SURF1: variants seen among roughly 807,000 people sequenced by gnomAD.
SURF1 encodes surfeit locus protein 1.
Under a neutral mutation model 34.1 loss-of-function variants are expected in SURF1, and 45 were observed. That is an observed-to-expected ratio of 1.32 (90% CI 1.04 to 1.69). SURF1 has a LOEUF of 1.69. Among genes scored for constraint, SURF1 ranks in the 40% most tolerant of loss-of-function variants. SURF1 has a pLI of 0.00. For synonymous variants in SURF1, 188 were observed against 147.5 expected (o/e 1.27, Z -1.99); for missense variants, 456 against 384.6 (o/e 1.19, Z -1.55).
chr9:133,352,909 T>A, intron 5 of SURF1, 143 bp from the exon 6 acceptor site: 1 of 945,306 alleles, frequency 1.1e-6, no homozygotes, highest in Non-Finnish European at 1.6e-6. Context: ...GCCCTGGCAG[T>A]GCCACACAGG....
chr9:133,353,531 C>G (rs1035034232), intron 5 of SURF1, among the ~76,000 whole-genome samples: 2 of 152,304 alleles, frequency 1.3e-5, no homozygotes, highest in East Asian at 3.9e-4. Context: ...CTTCAGAGGT[C>G]AACATACAGA....
In SURF1 at chr9:133,353,738, G is replaced by C; in HGVS notation, c.515+11C>G. On this transcript the variant is annotated intron_variant, in intron 5 of 8. Transcript: ENST00000371974. ...CTGCCAGGACAGCCAGCTCCCACAT[G>C]TCCTACTCACCCCAGGTCGGTGCAG... 6.2e-7 allele frequency: 1 copy of C among 1,613,676 alleles called. No homozygotes were observed. Among genetic ancestry groups the C allele is most frequent in the Non-Finnish European group, 8.5e-7 (1 of 1,179,988 alleles).
Position 133,352,517 on chromosome 9 carries a change from C to T in SURF1, c.680G>A (p.Trp227Ter). Reference protein sequence around the residue: ...VPENNPERNHWHYRDLEAMAR... With the variant: ...VPENNPERNH ...CATAGCTTCCAGGTCTCGATAATGCCAGTGGTTCCTTTCTGGATTGTTCTC... is the reference window on the plus strand; with the variant it reads ...CATAGCTTCCAGGTCTCGATAATGCTAGTGGTTCCTTTCTGGATTGTTCTC... The change falls in exon 7 of 9, where the codon TGG becomes TAG. Residue 227 changes from tryptophan to a stop codon, truncating the protein, a stop_gained. Transcript: ENST00000371974. LOFTEE classifies it high-confidence loss of function. The T allele has an allele frequency of 6.2e-7, 1 of 1,614,216 alleles. No individual in the cohort carries two copies. The highest frequency in any genetic ancestry group is 8.5e-7 in the Non-Finnish European group (1 of 1,180,042).
chr9:133,352,729 TC>T lies in SURF1; in HGVS notation c.552del (p.Lys185ArgfsTer3), dbSNP rs2130009673. The T allele has an allele frequency of 1.1e-5, 18 of 1,612,936 alleles. No individual in the cohort carries two copies. The highest frequency in any genetic ancestry group is 1.5e-5 in the Non-Finnish European group (18 of 1,179,744). On this transcript the variant is annotated frameshift_variant, in exon 6 of 9. Transcript: ENST00000371974. LOFTEE classifies it high-confidence loss of function. Reference protein sequence around the residue: ...TILVNRGFVPRKKVNPETRQK... With the variant: ...TILVNRGFVPXKKVNPETRQK... ...TGCCGGGTTTCAGGATTCACTTTCTTCCTGGGAACGAACCCTCTATTTACCA... is the reference window on the plus strand; with the variant it reads ...TGCCGGGTTTCAGGATTCACTTTCTTCTGGGAACGAACCCTCTATTTACCA...
At position 133,351,797 on chromosome 9, in the gene SURF1, T is replaced by G; in HGVS notation, c.*116A>C. 6 of 1,181,096 alleles carry G rather than the reference T, an allele frequency of 5.1e-6. No homozygotes were observed. The highest frequency in any genetic ancestry group is 1.5e-5 in the African/African-American group (1 of 66,162). 73.2% of individuals were successfully genotyped at this position (1,181,096 alleles called of 1,614,324 possible). On this transcript the variant is annotated 3_prime_UTR_variant, in exon 9 of 9. Transcript: ENST00000371974. The stretch of plus-strand genomic sequence containing the variant: ...AAGCCAGGATTTTATGATGAACCAG[T>G]CATGAGCTCATTTAAGGTAGAAGGC...
rs2130025065 is a variant in SURF1, at chr9:133,356,296, T to C, written c.79A>G (p.Ser27Gly). The change falls in exon 2 of 9, where the codon AGC becomes GGC. Residue 27 changes from serine (S) to glycine (G), a missense_variant. Coordinates refer to ENST00000371974, the MANE Select transcript of SURF1 (RefSeq NM_003172.4). The part of the protein sequence containing the change: ...GRAPASAAWR[S>G]VLRVSPRPGV... ...GGGCGCGGGGAGACCCTGAGGACGCTCCTCCAGGCGGCGCTGGCCGGGGCC... is the reference window on the plus strand; with the variant it reads ...GGGCGCGGGGAGACCCTGAGGACGCCCCTCCAGGCGGCGCTGGCCGGGGCC... The C allele has an allele frequency of 5.2e-6, 8 of 1,527,966 alleles. No individual in the cohort carries two copies. Among genetic ancestry groups the C allele is most frequent in the Non-Finnish European group, 7.0e-6 (8 of 1,144,248 alleles). The allele number at this position is 1,527,966 out of a possible 1,614,324, so 94.7% of individuals were successfully genotyped here. A position where few individuals can be genotyped will look rare whatever the true frequency, so the allele number is the denominator to read the frequency against.
chr9:133,355,352 G>A (rs930278075), intron 2 of SURF1, among the ~76,000 whole-genome samples: 1 of 152,160 alleles, frequency 6.6e-6, no homozygotes, highest in Non-Finnish European at 1.5e-5. Context: ...AGGCCAAGGC[G>A]GGCGGATCAC....
In SURF1 at chr9:133,351,970, A is replaced by G. The variant is rs2130003120; in HGVS notation, c.846T>C (p.Ser282=). The G allele has an allele frequency of 1.9e-6, 3 of 1,613,520 alleles. No individual in the cohort carries two copies. In the African/African-American group the frequency reaches 4.0e-5, roughly 22 times the overall value. Residue 282 remains serine, a synonymous_variant, in exon 9 of 9, where the codon TCT becomes TCC. Transcript: ENST00000371974. ...LQYIVTWYGL[S]AATSYLWFKK... ...TAAACCACAGGTAGGATGTAGCTGC[A>G]GAGAGTCCATACCTAGGGGTTGAAA...
At chr9:133,354,767 G>A (rs1466939056) in intron 3 of SURF1, 26 bp from the exon 4 acceptor site, 3 of 1,613,616 alleles carry the variant, frequency 1.9e-6, no homozygotes, top group Non-Finnish European at 2.5e-6. Flanking sequence ...ATAAGGCCAA[G>A]CAGATGGCAG....
chr9:133,352,288 T>G, intron 7 of SURF1, 146 bp from the exon 8 acceptor site: 1 of 1,400,506 alleles, frequency 7.1e-7, no homozygotes, highest in Non-Finnish European at 9.9e-7. Flanking sequence ...GTCCGCTCAG[T>G]ACTTGCCTAG....
At chr9:133,355,071 A>G in intron 2 of SURF1, 114 bp from the exon 3 acceptor site, 1 of 1,374,550 alleles carries the variant, frequency 7.3e-7, no homozygotes, top group Admixed American at 1.7e-5. Flanking sequence ...GCCTAGAGCC[A>G]ACTAGCAGCA....
In SURF1 at chr9:133,353,773, G is replaced by A. The variant is rs2130014379; in HGVS notation, c.491C>T (p.Thr164Ile). 5.6e-6 allele frequency: 9 copies of A among 1,613,754 alleles called. No individual in the cohort carries two copies. In the Admixed American group the frequency reaches 1.5e-4, roughly 27 times the overall value. ...SSTQSGAYVVTPFHCTDLGVT... is the reference protein window; with the variant it reads ...SSTQSGAYVVIPFHCTDLGVT... ...CCCCAGGTCGGTGCAGTGGAAGGGAGTGACCACATAGGCCCCACTCTGAGT... is the reference window on the plus strand; with the variant it reads ...CCCCAGGTCGGTGCAGTGGAAGGGAATGACCACATAGGCCCCACTCTGAGT... Residue 164 changes from threonine to isoleucine, a missense_variant, in exon 5 of 9, where the codon ACT (threonine) becomes ATT (isoleucine). By Grantham distance (89) the Thr-to-Ile change is moderately conservative. Coordinates refer to ENST00000371974, the MANE Select transcript of SURF1 (RefSeq NM_003172.4).
chr9:133,353,292 A>C (rs1836483905), intron 5 of SURF1, among the ~76,000 whole-genome samples: 1 of 152,180 alleles, frequency 6.6e-6, no homozygotes, highest in Non-Finnish European at 1.5e-5. Context: ...TTAATCACAC[A>C]GGTGCTCCTG....
intron 2 of SURF1, 113 bp from the exon 3 acceptor site, chr9:133,355,070 CA>C: frequency 7.2e-7 from 1 of 1,387,166 alleles, no homozygotes; most frequent in Non-Finnish European, 1.0e-6. Context: ...TGCCTAGAGC[CA>C]ACTAGCAGCA....
rs2130014191 is a variant in SURF1 at position 133,353,749 on chromosome 9, C to T, written c.515G>A (p.Gly172Glu). 1 of 1,613,762 alleles carries T rather than the reference C, an allele frequency of 6.2e-7. No individual in the cohort carries two copies. The highest frequency in any genetic ancestry group is 1.1e-5 in the South Asian group (1 of 91,090). ...VVTPFHCTDLGVTILVNRGFV... is the reference protein window; with the variant it reads ...VVTPFHCTDLEVTILVNRGFV... ...GCCAGCTCCCACATGTCCTACTCACCCCAGGTCGGTGCAGTGGAAGGGAGT... is the reference window on the plus strand; with the variant it reads ...GCCAGCTCCCACATGTCCTACTCACTCCAGGTCGGTGCAGTGGAAGGGAGT... The change falls in exon 5 of 9, where the codon GGA becomes GAA. Residue 172 changes from glycine (G) to glutamate (E), a missense_variant and splice_region_variant. By Grantham distance (98) the Gly-to-Glu change is moderately conservative (BLOSUM62 -2). Transcript: ENST00000371974.
intron 2 of SURF1, among the ~76,000 whole-genome samples, chr9:133,355,434 G>C (rs1433521923): frequency 6.6e-6 from 1 of 152,134 alleles, no homozygotes; most frequent in Admixed American, 6.5e-5. Flanking sequence ...GCAAAAATTA[G>C]CTGAGCACGA....
chr9:133,352,558 C>T lies in SURF1; in HGVS notation c.639G>A (p.Arg213=). The part of the protein sequence containing the change: ...LIGMVRLTET[R]QPFVPENNPE... ...GATTGTTCTCAGGGACAAAAGGCTGCCTGGTTTCTGTCAGCCTCACCATCC... is the reference window on the plus strand; with the variant it reads ...GATTGTTCTCAGGGACAAAAGGCTGTCTGGTTTCTGTCAGCCTCACCATCC... Residue 213 remains arginine, a synonymous_variant, in exon 7 of 9, where the codon AGG becomes AGA. Coordinates refer to ENST00000371974, the MANE Select transcript of SURF1 (RefSeq NM_003172.4). The T allele has an allele frequency of 1.9e-6, 3 of 1,614,198 alleles. No individual in the cohort carries two copies. The highest frequency in any genetic ancestry group is 1.7e-6 in the Non-Finnish European group (2 of 1,180,036).
At position 133,352,770 on chromosome 9, in the gene SURF1, G is replaced by C; in HGVS notation, c.516-4C>G. ...TCTATTTACCAGGATGGTGACTCTA[G>C]GGTAATGAAAGTGCTACTTCAGGTG... On this transcript the variant is annotated splice_region_variant and splice_polypyrimidine_tract_variant and intron_variant, in intron 5 of 8. Coordinates refer to ENST00000371974, the MANE Select transcript of SURF1 (RefSeq NM_003172.4). 6.2e-7 allele frequency: 1 copy of C among 1,609,384 alleles called. No homozygotes were observed. Among genetic ancestry groups the C allele is most frequent in the Non-Finnish European group, 8.5e-7 (1 of 1,178,278 alleles).
chr9:133,354,880 G>T lies in SURF1; in HGVS notation c.184C>A (p.Leu62Ile), dbSNP rs2130019446. Residue 62 changes from leucine to isoleucine, a missense_variant, in exon 3 of 9, where the codon CTT (leucine) becomes ATT (isoleucine). Transcript: ENST00000371974. ...SATKAEDDSF[L>I]QWVLLLIPVT... ...GGGATGAGGAGCAGGACCCACTGAA[G>T]AAAGGAGTCATCTTCCGCTTTTGTG... 8 of 1,614,050 alleles carry T rather than the reference G, an allele frequency of 5.0e-6. No individual in the cohort carries two copies. The highest frequency in any genetic ancestry group is 1.7e-4 in the Middle Eastern group (1 of 6,060).
Sources: allele counts gnomAD v4.1 joint callset (sites outside exome capture counted in the v4.1 genomes callset), GRCh38; gene constraint gnomAD v4.1.1; transcripts MANE v1.5; gene names NCBI Gene and HGNC (gene_info 2026-07-23, HGNC 2026-07-21).